ALCAM: variants seen among roughly 807,000 people sequenced by gnomAD.
ALCAM encodes the protein activated leukocyte cell adhesion molecule, also known as CD166 antigen.
A neutral mutation model predicts 70.9 loss-of-function variants in ALCAM; 30 were observed. The observed-to-expected ratio is 0.42, with a 90% confidence interval of 0.32 to 0.57. The LOEUF (loss-of-function observed/expected upper bound fraction) is 0.57. ALCAM is among the 20% of genes least tolerant of loss of function. The pLI is 0.11. For synonymous variants in ALCAM, 249 were observed against 242.5 expected, an observed-to-expected ratio of 1.03 and a Z score of -0.25; for missense variants, 591 against 695.1, an observed-to-expected ratio of 0.85 and a Z score of 1.68.
chr3:105,457,959 G>A (rs1937555529), intron 1 of ALCAM, among the ~76,000 whole-genome samples: 1 of 151,918 alleles, frequency 6.6e-6, no homozygotes, highest in Non-Finnish European at 1.5e-5. Context: ...CCATAGTGTT[G>A]AAAGCTCCTC....
chr3:105,552,878 T>C, intron 14 of ALCAM: 1 of 1,155,322 alleles, frequency 8.7e-7, no homozygotes, highest in Non-Finnish European at 1.1e-6. Context: ...AGCGTATACT[T>C]CCTAAAGGTC....
rs540718455 is a variant in ALCAM, at chr3:105,482,578, G to A, written c.74-37489G>A. Among the ~76,000 whole-genome samples the A allele has an allele frequency of 2.0e-5, 3 of 152,206 alleles. No homozygotes were observed. In the East Asian group the frequency reaches 5.8e-4, roughly 29 times the overall value. On this transcript the variant is annotated intron_variant, in intron 1 of 15. Coordinates refer to ENST00000306107, the MANE Select transcript of ALCAM (RefSeq NM_001627.4). ...TATATAAAAACCACCAGACAATTCT[G>A]TTCATTTTGAATGATACCACATGTC...
intron 1 of ALCAM, among the ~76,000 whole-genome samples, chr3:105,489,719 T>G (rs1387015484): frequency 6.6e-6 from 1 of 152,230 alleles, no homozygotes; most frequent in African/African-American, 2.4e-5. Flanking sequence ...GAAAAATACA[T>G]AGCAGAGGTA....
chr3:105,510,346 A>G (rs1382424580), intron 1 of ALCAM, among the ~76,000 whole-genome samples: 1 of 152,062 alleles, frequency 6.6e-6, no homozygotes, highest in Non-Finnish European at 1.5e-5. Context: ...CTGTCTTAGT[A>G]TACTTGTTGC....
chr3:105,392,105 C>G (rs1270795420), intron 1 of ALCAM, among the ~76,000 whole-genome samples: 1 of 151,926 alleles, frequency 6.6e-6, no homozygotes, highest in Non-Finnish European at 1.5e-5. Flanking sequence ...AGGAAGAAGT[C>G]CCTGTCTTTC....
intron 1 of ALCAM, among the ~76,000 whole-genome samples, chr3:105,427,857 T>G (rs1434484525): frequency 6.6e-6 from 1 of 151,846 alleles, no homozygotes; most frequent in Non-Finnish European, 1.5e-5. Context: ...TTCTTACCAT[T>G]GGAAAACACC....
chr3:105,535,126 T>C (rs377165360), intron 6 of ALCAM, among the ~76,000 whole-genome samples: 4 of 152,280 alleles, frequency 2.6e-5, no homozygotes, highest in Admixed American at 6.5e-5. Flanking sequence ...CTATAACTTA[T>C]TTTCTGGATG....
intron 1 of ALCAM, among the ~76,000 whole-genome samples, chr3:105,411,649 A>C (rs2107395553): frequency 6.6e-6 from 1 of 152,218 alleles, no homozygotes; most frequent in Admixed American, 6.5e-5. Context: ...ATTCATCAAA[A>C]ATGAGCAAAG....
intron 1 of ALCAM, among the ~76,000 whole-genome samples, chr3:105,486,598 T>C (rs999234853): frequency 7.9e-5 from 12 of 152,120 alleles, no homozygotes; most frequent in African/African-American, 2.9e-4. Context: ...ATTTGACATT[T>C]TCAACTTATA....
chr3:105,424,861 C>A (rs772452533), intron 1 of ALCAM, among the ~76,000 whole-genome samples: 1 of 151,504 alleles, frequency 6.6e-6, no homozygotes, highest in Non-Finnish European at 1.5e-5. Flanking sequence ...GGAAAGAGTA[C>A]CTTACTTTCT....
chr3:105,524,197 G>A (rs1451537146), intron 2 of ALCAM, 92 bp from the exon 3 acceptor site: 1 of 1,049,296 alleles, frequency 9.5e-7, no homozygotes, highest in African/African-American at 1.6e-5. Context: ...ATAGATATTG[G>A]TAGAATATGG....
chr3:105,441,597 A>G (rs1302942662), intron 1 of ALCAM, among the ~76,000 whole-genome samples: 1 of 152,222 alleles, frequency 6.6e-6, no homozygotes, highest in Non-Finnish European at 1.5e-5. Flanking sequence ...TTGACTGTGC[A>G]TCCTTCCCAA....
At chr3:105,436,459 C>G (rs1476609377) in intron 1 of ALCAM, among the ~76,000 whole-genome samples, 1 of 152,128 alleles carries the variant, frequency 6.6e-6, no homozygotes, top group African/African-American at 2.4e-5. Context: ...TCCCGAGTAG[C>G]TGGGACTATA....
At chr3:105,571,386 A>G (rs1158201529) in intron 14 of ALCAM, among the ~76,000 whole-genome samples, 1 of 152,220 alleles carries the variant, frequency 6.6e-6, no homozygotes, top group East Asian at 1.9e-4. Context: ...TGTATTCAGT[A>G]AAACAGAATA....
chr3:105,507,988 C>A (rs891301474), intron 1 of ALCAM, among the ~76,000 whole-genome samples: 3 of 152,010 alleles, frequency 2.0e-5, no homozygotes, highest in African/African-American at 7.2e-5. Flanking sequence ...CATTAGACTT[C>A]TGGTTCCTGA....
chr3:105,490,650 T>C (rs1453983282), intron 1 of ALCAM, among the ~76,000 whole-genome samples: 3 of 152,184 alleles, frequency 2.0e-5, no homozygotes, highest in African/African-American at 7.2e-5. Context: ...TCTTGCCCCA[T>C]GCAAGTACAA....
chr3:105,540,068 A>G lies in ALCAM; in HGVS notation c.824A>G (p.Asn275Ser). 1.2e-6 allele frequency: 2 copies of G among 1,612,000 alleles called. No individual in the cohort carries two copies. The highest frequency in any genetic ancestry group is 1.7e-6 in the Non-Finnish European group (2 of 1,178,616). ...NITLKCLGNG[N>S]PPPEEFLFYL... is the part of the protein sequence containing the mutation. ...ACTCTTAAATGCTTAGGGAATGGCA[A>G]CCCTCCCCCAGAGGAATTTTTGTTT... Residue 275 changes from asparagine to serine, a missense_variant, in exon 7 of 16, where the codon AAC (asparagine) becomes AGC (serine). Transcript: ENST00000306107.
At chr3:105,477,909 CCTTT>C (rs531247278) in intron 1 of ALCAM, among the ~76,000 whole-genome samples, 194 of 152,094 alleles carry the variant, frequency 1.3e-3, no homozygotes, top group Non-Finnish European at 2.5e-3. Flanking sequence ...CCATTTGTTT[CCTTT>C]ATTATAATTT....
At chr3:105,479,716 G>T (rs1356956884) in intron 1 of ALCAM, among the ~76,000 whole-genome samples, 4 of 152,038 alleles carry the variant, frequency 2.6e-5, no homozygotes, top group Non-Finnish European at 4.4e-5. Context: ...CATGCAACTT[G>T]CCAGTTCATT....
Sources: allele counts gnomAD v4.1 joint callset (sites outside exome capture counted in the v4.1 genomes callset), GRCh38; gene constraint gnomAD v4.1.1; transcripts MANE v1.5; gene names NCBI Gene and HGNC (gene_info 2026-07-23, HGNC 2026-07-21).